The following GRAMD2A variants were observed in gnomAD, a reference collection of about 807,000 sequenced individuals.
The protein encoded by GRAMD2A is GRAM domain-containing protein 2A.
In GRAMD2A, 37 loss-of-function variants were observed where a neutral mutation model predicts 51.1. The ratio of observed to expected loss-of-function variants is 0.72; its 90% CI spans 0.56 to 0.95. The LOEUF is 0.95. Ranked by LOEUF, GRAMD2A falls within the 40% of genes least tolerant of loss-of-function variation. GRAMD2A has a pLI of 0.00. For synonymous variants in GRAMD2A, 136 were observed against 157.1 expected (o/e 0.87, Z 1.01); for missense variants, 414 against 426.9 (o/e 0.97, Z 0.27).
rs2081454422 is a variant in GRAMD2A at position 72,160,065 on chromosome 15, T to TG, written c.*1943dup. On this transcript the variant is annotated 3_prime_UTR_variant, in exon 12 of 12. Transcript: ENST00000309731. ...GGCACACCCGCAACACTCAAAGCCC[T>TG]GGGCCCCAAGTGCACCTCCAAAGTC... The TG allele has an allele frequency of 6.6e-6, 1 of 152,228 alleles. No individual in the cohort carries two copies. The highest frequency in any genetic ancestry group is 2.1e-4 in the South Asian group (1 of 4,812). 9.4% of individuals were successfully genotyped at this position (152,228 alleles called of 1,614,324 possible).
intron 1 of GRAMD2A, among the ~76,000 whole-genome samples, chr15:72,193,632 C>T (rs1219620427): frequency 6.6e-6 from 1 of 152,130 alleles, no homozygotes; most frequent in African/African-American, 2.4e-5. Context: ...ACGCCAGTCT[C>T]CTGCCACAGC....
chr15:72,169,321 T>TG, intron 2 of GRAMD2A: 2 of 472,052 alleles, frequency 4.2e-6, no homozygotes, highest in Non-Finnish European at 3.9e-6. Context: ...TCAAAGACCC[T>TG]GTCCCATTTC....
chr15:72,193,366 G>A lies in GRAMD2A; in HGVS notation c.41+4365C>T, dbSNP rs145717425. On this transcript the variant is annotated intron_variant, in intron 1 of 11. Transcript: ENST00000309731. Reference sequence around the variant, plus strand: ...CTAGTAGCTGAAATTACAGGTGCCCGCCACCACGCCCAGCAAATTTTTTGT... The same window carrying A: ...CTAGTAGCTGAAATTACAGGTGCCCACCACCACGCCCAGCAAATTTTTTGT... Among the ~76,000 whole-genome samples the A allele has an allele frequency of 2.8e-3, 418 of 149,462 alleles. 3 individuals carry two copies. Among genetic ancestry groups the A allele is most frequent in the Admixed American group, 4.7e-3 (70 of 14,976 alleles).
Position 72,170,453 on chromosome 15 carries a change from C to T in GRAMD2A, c.42-514G>A, listed in dbSNP as rs2081599306. The T allele has an allele frequency of 6.6e-6, 3 of 455,294 alleles. No individual in the cohort carries two copies. The highest frequency in any genetic ancestry group is 3.1e-5 in the South Asian group (2 of 64,500). The allele number at this position is 455,294 out of a possible 1,614,324, so 28.2% of individuals were successfully genotyped here. A position where few individuals can be genotyped will look rare whatever the true frequency, so the allele number is the denominator to read the frequency against. On this transcript the variant is annotated intron_variant, in intron 1 of 11. Coordinates refer to ENST00000309731, the MANE Select transcript of GRAMD2A (RefSeq NM_001012642.3). The surrounding 1 kb of genome is among the most constrained non-coding windows in gnomAD (Gnocchi z 4.5). ...GTGTGGGAGGTGGACGCCCATCAGC[C>T]TACAGGTGAGTGTGGCCAGGAGGGG...
chr15:72,191,552 TG>T (rs1323504887), intron 1 of GRAMD2A, among the ~76,000 whole-genome samples: 3 of 152,186 alleles, frequency 2.0e-5, no homozygotes, highest in African/African-American at 7.2e-5. Context: ...GATGAAAAAC[TG>T]GTAGGATTAG....
At chr15:72,169,985 A>C (rs201627752) in intron 1 of GRAMD2A, 46 bp from the exon 2 acceptor site, 1 of 1,406,394 alleles carries the variant, frequency 7.1e-7, no homozygotes. Context: ...TCATGAGGAC[A>C]CCTTTCCCTA....
At chr15:72,173,196 G>A (rs1462488898) in intron 1 of GRAMD2A, among the ~76,000 whole-genome samples, 2 of 152,166 alleles carry the variant, frequency 1.3e-5, no homozygotes, top group African/African-American at 2.4e-5. Flanking sequence ...AATACAGTGG[G>A]GTTCCTAGAG....
intron 1 of GRAMD2A, among the ~76,000 whole-genome samples, chr15:72,194,841 C>T (rs986463749): frequency 4.6e-5 from 7 of 152,076 alleles, no homozygotes; most frequent in African/African-American, 1.4e-4. Context: ...GCACACACCA[C>T]CACACCTAAC....
intron 1 of GRAMD2A, among the ~76,000 whole-genome samples, chr15:72,172,117 C>T (rs911419796): frequency 2.0e-5 from 3 of 151,444 alleles, no homozygotes; most frequent in Non-Finnish European, 4.4e-5. Flanking sequence ...TGAGCCACCA[C>T]GCCCGGCCTT....
At chr15:72,182,791 C>T (rs1567089412) in intron 1 of GRAMD2A, among the ~76,000 whole-genome samples, 1 of 152,082 alleles carries the variant, frequency 6.6e-6, no homozygotes, top group African/African-American at 2.4e-5. Context: ...GGCCTGGGGG[C>T]AGAGGGGATA....
intron 1 of GRAMD2A, among the ~76,000 whole-genome samples, chr15:72,176,926 C>T (rs1044401613): frequency 1.5e-5 from 2 of 136,268 alleles, no homozygotes; most frequent in African/African-American, 5.6e-5. Flanking sequence ...CACAGTGGTG[C>T]AATCATAGCT....
intron 1 of GRAMD2A, among the ~76,000 whole-genome samples, chr15:72,179,126 A>G (rs981297179): frequency 1.3e-5 from 2 of 152,248 alleles, no homozygotes; most frequent in East Asian, 3.9e-4. Context: ...TTCTGAGAAC[A>G]CCCAGGCCGG....
At chr15:72,197,353 C>A (rs2081815314) in intron 1 of GRAMD2A, among the ~76,000 whole-genome samples, 1 of 152,190 alleles carries the variant, frequency 6.6e-6, no homozygotes, top group South Asian at 2.1e-4. Context: ...GTCGATACCG[C>A]GGGCAACGAA....
intron 1 of GRAMD2A, among the ~76,000 whole-genome samples, chr15:72,195,868 C>G (rs762106648): frequency 1.3e-5 from 2 of 151,944 alleles, no homozygotes; most frequent in Non-Finnish European, 2.9e-5. Context: ...TGCAGTGAGC[C>G]GAGATCACGC....
rs191764004 is a variant in GRAMD2A at position 72,182,083 on chromosome 15, G to A, written c.42-12144C>T. On this transcript the variant is annotated intron_variant, in intron 1 of 11. Transcript: ENST00000309731. ...TGTATACAAAAATTAGCCAAAATTCGGCCAGGCGCAGTGGCTCATGCCTGT... is the reference window on the plus strand; with the variant it reads ...TGTATACAAAAATTAGCCAAAATTCAGCCAGGCGCAGTGGCTCATGCCTGT... Among the ~76,000 whole-genome samples the A allele has an allele frequency of 4.6e-5, 7 of 152,166 alleles. No homozygotes were observed. The East Asian group carries it at 7.7e-4, about 17-fold the overall frequency.
Position 72,166,976 on chromosome 15 carries a change from T to C in GRAMD2A, c.471+18A>G, listed in dbSNP as rs1282972141. ...GGAGCGGGAGACTGACAAGGGAGCA[T>C]GGGCCCAGTGCACTGACCTTCTGGC... On this transcript the variant is annotated intron_variant, in intron 6 of 11. Transcript: ENST00000309731. The surrounding 1 kb of genome is among the most constrained non-coding windows in gnomAD (Gnocchi z 4.1). The C allele has an allele frequency of 6.3e-7, 1 of 1,590,912 alleles. No homozygotes were observed. Among genetic ancestry groups the C allele is most frequent in the Non-Finnish European group, 8.6e-7 (1 of 1,158,944 alleles).
At chr15:72,165,860 T>C (rs28585014) in intron 7 of GRAMD2A, among the ~76,000 whole-genome samples, 1 of 151,030 alleles carries the variant, frequency 6.6e-6, no homozygotes, top group African/African-American at 2.4e-5. Context: ...TTTCGTTTTT[T>C]GTTTTTTGTT....
intron 1 of GRAMD2A, 127 bp downstream of exon 1, chr15:72,197,603 TG>T: frequency 1.4e-6 from 1 of 713,492 alleles, no homozygotes; most frequent in Non-Finnish European, 1.9e-6. Context: ...GGCCGGGAAG[TG>T]CCTGCCCCGT....
In GRAMD2A at chr15:72,159,964, C is replaced by T. The variant is rs143298681; in HGVS notation, c.*2045G>A. 3.2e-4 allele frequency: 48 copies of T among 152,338 alleles called. No individual in the cohort carries two copies. The highest frequency in any genetic ancestry group is 7.2e-4 in the African/African-American group (30 of 41,550). 9.4% of individuals were successfully genotyped at this position (152,338 alleles called of 1,614,324 possible). A position where few individuals can be genotyped will look rare whatever the true frequency, so the allele number is the denominator to read the frequency against. On this transcript the variant is annotated 3_prime_UTR_variant, in exon 12 of 12. Coordinates refer to ENST00000309731, the MANE Select transcript of GRAMD2A (RefSeq NM_001012642.3). Reference sequence around the variant, plus strand: ...AATACACATCATTTATAAATGCACACAGCAGAAAGCACAGTGGCCCCAGAG... The same window carrying T: ...AATACACATCATTTATAAATGCACATAGCAGAAAGCACAGTGGCCCCAGAG...
Sources: allele counts gnomAD v4.1 joint callset (sites outside exome capture counted in the v4.1 genomes callset), GRCh38; gene constraint gnomAD v4.1.1; non-coding constraint Gnocchi (gnomAD v3.1); transcripts MANE v1.5; gene names NCBI Gene and HGNC (gene_info 2026-07-23, HGNC 2026-07-21).